OCA2: variants seen among roughly 807,000 people sequenced by gnomAD.
OCA2 encodes P protein.
In OCA2, 77 loss-of-function variants were observed where a neutral mutation model predicts 100.2. The ratio of observed to expected loss-of-function variants is 0.77; its 90% confidence interval spans 0.64 to 0.93. The LOEUF is 0.93. Among genes scored for constraint, OCA2 ranks in the 40% least tolerant of loss-of-function variants. The probability of loss-of-function intolerance (pLI) is 0.00; values close to 1 mark genes in which losing one functional copy is unlikely to be tolerated. For synonymous variants in OCA2, 432 were observed against 439.2 expected (o/e 0.98, Z 0.21); for missense variants, 1,062 against 1,089.1 (o/e 0.98, Z 0.35).
chr15:27,934,115 A>G (rs988536103), intron 18 of OCA2, among the ~76,000 whole-genome samples: 4 of 152,090 alleles, frequency 2.6e-5, no homozygotes, highest in Admixed American at 2.0e-4. Context: ...TTTTAACCAT[A>G]TATTTTTTTA....
chr15:28,078,057 T>G (rs1375310745), intron 2 of OCA2, among the ~76,000 whole-genome samples: 1 of 152,172 alleles, frequency 6.6e-6, no homozygotes, highest in African/African-American at 2.4e-5. Context: ...CCAGCCTGGG[T>G]GACAACGTTG....
rs185915307 is a variant in OCA2 at position 27,940,910 on chromosome 15, T to C, written c.1951+10874A>G. On this transcript the variant is annotated intron_variant, in intron 18 of 23. Coordinates refer to ENST00000354638, the MANE Select transcript of OCA2 (RefSeq NM_000275.3). ...TTTATTTAAATTCTTCTTCAGATTA[T>C]TAATGTTGAGGAATTTAAATGTGAC... 8.3e-4 allele frequency among the ~76,000 whole-genome samples: 127 copies of C among 152,346 alleles called. 1 individual carries two copies. The highest frequency in any genetic ancestry group is 3.0e-3 in the African/African-American group (124 of 41,586).
At chr15:28,064,557 T>C (rs921094818) in intron 2 of OCA2, among the ~76,000 whole-genome samples, 1 of 152,162 alleles carries the variant, frequency 6.6e-6, no homozygotes, top group African/African-American at 2.4e-5. Context: ...TGCTGTTGAA[T>C]GCCACTTGTG....
At chr15:28,051,584 G>A (rs961961383) in intron 2 of OCA2, among the ~76,000 whole-genome samples, 2 of 145,588 alleles carry the variant, frequency 1.4e-5, no homozygotes, top group East Asian at 2.0e-4. Context: ...GAGCCACTGC[G>A]CCTGGCCTTC....
At chr15:27,815,196 G>A (rs529188368) in intron 23 of OCA2, among the ~76,000 whole-genome samples, 10 of 152,082 alleles carry the variant, frequency 6.6e-5, no homozygotes, top group Non-Finnish European at 1.3e-4. Flanking sequence ...CCCATTCGCC[G>A]CAATGCCTCT....
intron 2 of OCA2, among the ~76,000 whole-genome samples, chr15:28,071,154 A>G (rs2044246589): frequency 8.2e-6 from 1 of 122,048 alleles, no homozygotes; most frequent in African/African-American, 4.7e-5. Flanking sequence ...CCCAAGAATT[A>G]TCAATAAAAA....
chr15:27,821,111 A>T (rs1251082233), intron 23 of OCA2, among the ~76,000 whole-genome samples: 1 of 152,180 alleles, frequency 6.6e-6, no homozygotes, highest in African/African-American at 2.4e-5. Flanking sequence ...TATTATTTTT[A>T]AAATGCTAAA....
intron 23 of OCA2, chr15:27,776,581 C>G (rs1156904525): frequency 6.6e-6 from 1 of 152,356 alleles, no homozygotes. Context: ...GGCCGCCCTC[C>G]CCATGGCAGG....
chr15:28,076,613 C>T (rs1331212028), intron 2 of OCA2, among the ~76,000 whole-genome samples: 2 of 150,994 alleles, frequency 1.3e-5, no homozygotes, highest in South Asian at 2.1e-4. Context: ...TTTGGGAGGC[C>T]GAGGCGGGTG....
At chr15:27,853,718 C>A (rs2035849249) in intron 21 of OCA2, among the ~76,000 whole-genome samples, 1 of 152,088 alleles carries the variant, frequency 6.6e-6, no homozygotes, top group Admixed American at 6.5e-5. Context: ...TTGTCCCCAC[C>A]AGACACCTCA....
chr15:28,045,382 T>C (rs1391703340), intron 2 of OCA2, among the ~76,000 whole-genome samples: 2 of 152,206 alleles, frequency 1.3e-5, no homozygotes, highest in Non-Finnish European at 2.9e-5. Flanking sequence ...AGAGTGTGCT[T>C]CCATTTCTCT....
At chr15:28,004,278 G>T (rs548747357) in intron 9 of OCA2, among the ~76,000 whole-genome samples, 1 of 148,780 alleles carries the variant, frequency 6.7e-6, no homozygotes, top group Non-Finnish European at 1.5e-5. Flanking sequence ...CCTGCTAGGC[G>T]CCCTGTGGCA....
chr15:27,730,359 C>T, the OCA2 span, among the ~76,000 whole-genome samples: 1 of 152,014 alleles, frequency 6.6e-6, no homozygotes. Flanking sequence ...GTTCAAGACA[C>T]TGGGAAAGGA....
chr15:27,894,087 C>T (rs867804296), intron 19 of OCA2, among the ~76,000 whole-genome samples: 3 of 152,182 alleles, frequency 2.0e-5, no homozygotes, highest in Non-Finnish European at 4.4e-5. Flanking sequence ...CCCAGCAGCC[C>T]ACCTGTAAAA....
chr15:27,738,400 T>C, the OCA2 span, among the ~76,000 whole-genome samples: 1 of 152,114 alleles, frequency 6.6e-6, no homozygotes, highest in Admixed American at 6.5e-5. Context: ...AAAACAAGAC[T>C]GACACACAGC....
intron 2 of OCA2, among the ~76,000 whole-genome samples, chr15:28,075,576 T>C (rs1303232196): frequency 6.6e-6 from 1 of 152,238 alleles, no homozygotes; most frequent in African/African-American, 2.4e-5. Flanking sequence ...CTTAGGCATT[T>C]ATCCAAGGGA....
chr15:28,001,652 T>C (rs2041929666), intron 9 of OCA2, among the ~76,000 whole-genome samples: 1 of 152,014 alleles, frequency 6.6e-6, no homozygotes, highest in Non-Finnish European at 1.5e-5. Flanking sequence ...GCAGGAAAAA[T>C]GTTGCAGAGA....
chr15:27,854,651 G>C (rs2035888102), intron 21 of OCA2, among the ~76,000 whole-genome samples: 1 of 152,208 alleles, frequency 6.6e-6, no homozygotes, highest in Admixed American at 6.5e-5. Context: ...GATTATCATA[G>C]AGGCACCTTT....
At chr15:27,770,869 C>CCTT (rs2031734029) in intron 23 of OCA2, among the ~76,000 whole-genome samples, 1 of 133,710 alleles carries the variant, frequency 7.5e-6, no homozygotes, top group African/African-American at 3.5e-5. Context: ...TTCCTTCCTT[C>CCTT]CCTCCTTCCT....
Sources: allele counts gnomAD v4.1 joint callset (sites outside exome capture counted in the v4.1 genomes callset), GRCh38; gene constraint gnomAD v4.1.1; transcripts MANE v1.5; gene names NCBI Gene and HGNC (gene_info 2026-07-23, HGNC 2026-07-21).